Variants in VDAC1 observed in about 807,000 individuals in gnomAD.
VDAC1 encodes voltage dependent anion channel 1, also known as non-selective voltage-gated ion channel VDAC1.
Under a neutral mutation model 34.7 loss-of-function variants are expected in VDAC1, and 10 were observed. The ratio of observed to expected loss-of-function variants is 0.29; its 90% CI spans 0.18 to 0.49. The LOEUF is 0.49. Ranked by LOEUF, VDAC1 falls within the 20% of genes least tolerant of loss-of-function variation. VDAC1 has a pLI of 0.99. For synonymous variants in VDAC1, 130 were observed against 136.0 expected, an observed-to-expected ratio of 0.96 and a Z score of 0.30; for missense variants, 230 against 347.9, an observed-to-expected ratio of 0.66 and a Z score of 2.69.
the VDAC1 span, among the ~76,000 whole-genome samples, chr5:134,023,147 A>T: frequency 6.6e-6 from 1 of 152,192 alleles, no homozygotes; most frequent in Admixed American, 6.5e-5. Flanking sequence ...ATGCAGCCAT[A>T]AAAAAGAATG....
chr5:134,004,688 G>GGGCTGCGACGCGGA (rs1346861729), intron 1 of VDAC1: 1 of 151,868 alleles, frequency 6.6e-6, no homozygotes, highest in African/African-American at 2.4e-5. Context: ...GCTACGGCGG[G>GGGCTGCGACGCGGA]GGCTGCGACG....
intron 5 of VDAC1, among the ~76,000 whole-genome samples, chr5:133,983,249 TA>T (rs80036951): frequency 3.5e-3 from 457 of 132,200 alleles, no homozygotes; most frequent in Non-Finnish European, 3.3e-3. Flanking sequence ...ACTCCATCTT[TA>T]AAAAAAAAAA....
At chr5:134,108,114 G>C in the VDAC1 span, among the ~76,000 whole-genome samples, 2 of 152,226 alleles carry the variant, frequency 1.3e-5, no homozygotes, top group African/African-American at 2.4e-5. Context: ...GCAGACCTGG[G>C]GAGGCGGGGA....
At chr5:134,038,351 C>T in the VDAC1 span, among the ~76,000 whole-genome samples, 1 of 152,082 alleles carries the variant, frequency 6.6e-6, no homozygotes, top group Non-Finnish European at 1.5e-5. Context: ...GGGATGAGAA[C>T]AAGGTGGCAT....
At chr5:134,018,838 T>C in the VDAC1 span, among the ~76,000 whole-genome samples, 63 of 152,276 alleles carry the variant, frequency 4.1e-4, no homozygotes, top group African/African-American at 1.4e-3. Context: ...CCTGTGGGCA[T>C]TTGACCAGGG....
the VDAC1 span, among the ~76,000 whole-genome samples, chr5:134,104,380 G>A: frequency 2.0e-5 from 3 of 152,228 alleles, no homozygotes; most frequent in South Asian, 6.2e-4. Context: ...TGAGAATCCC[G>A]GAGGGAGGGA....
chr5:134,083,335 C>A, the VDAC1 span, among the ~76,000 whole-genome samples: 1 of 151,834 alleles, frequency 6.6e-6, no homozygotes, highest in Admixed American at 6.6e-5. Flanking sequence ...ACTACAGGCA[C>A]CTGCCACCAT....
the VDAC1 span, among the ~76,000 whole-genome samples, chr5:134,022,625 A>G: frequency 1.3e-5 from 2 of 152,218 alleles, no homozygotes; most frequent in Non-Finnish European, 2.9e-5. Context: ...ATGCTCAGTA[A>G]GTGGAACAAA....
intron 6 of VDAC1, among the ~76,000 whole-genome samples, chr5:133,978,577 A>G (rs1414270136): frequency 2.6e-5 from 4 of 152,246 alleles, no homozygotes; most frequent in Non-Finnish European, 4.4e-5. Flanking sequence ...CAGCCTGTCA[A>G]AAATAAGATT....
the VDAC1 span, among the ~76,000 whole-genome samples, chr5:134,098,345 C>T: frequency 1.4e-5 from 2 of 145,032 alleles, no homozygotes; most frequent in Non-Finnish European, 3.0e-5. Flanking sequence ...TTACAGGCAC[C>T]CACCACCATG....
the VDAC1 span, among the ~76,000 whole-genome samples, chr5:134,089,165 A>G: frequency 6.6e-6 from 1 of 152,230 alleles, no homozygotes; most frequent in Non-Finnish European, 1.5e-5. Flanking sequence ...AGGGACAGGC[A>G]AGGACAAAGA....
At chr5:134,055,637 A>G in the VDAC1 span, among the ~76,000 whole-genome samples, 1 of 103,142 alleles carries the variant, frequency 9.7e-6, no homozygotes, top group Admixed American at 1.3e-4. Context: ...ACAGGGTTTC[A>G]CCGTGGTCTT....
chr5:133,990,235 G>A (rs1753053221), intron 5 of VDAC1, among the ~76,000 whole-genome samples: 1 of 152,206 alleles, frequency 6.6e-6, no homozygotes. Context: ...GAGCCACCTT[G>A]CAGTTACACC....
the VDAC1 span, among the ~76,000 whole-genome samples, chr5:134,070,585 GTTGTCTTA>G: frequency 6.6e-6 from 1 of 152,152 alleles, no homozygotes; most frequent in Non-Finnish European, 1.5e-5. Context: ...CTAAGAATGT[GTTGTCTTA>G]TTTCCTTCCA....
At chr5:134,020,652 TTTTGTTTGTTTGTTTG>T in the VDAC1 span, among the ~76,000 whole-genome samples, 21 of 150,098 alleles carry the variant, frequency 1.4e-4, no homozygotes, top group East Asian at 5.9e-4. Context: ...CAGGCTTCTT[TTTTGTTTGTTTGTTTG>T]TTTGTTTGTT....
chr5:134,090,193 C>A, the VDAC1 span, among the ~76,000 whole-genome samples: 2 of 152,160 alleles, frequency 1.3e-5, no homozygotes, highest in Non-Finnish European at 2.9e-5. Context: ...CTCACCTACC[C>A]AAGGTTTGCC....
chr5:134,094,517 A>G, the VDAC1 span, among the ~76,000 whole-genome samples: 1 of 152,032 alleles, frequency 6.6e-6, no homozygotes, highest in African/African-American at 2.4e-5. Context: ...CTAACACGAT[A>G]AAACCCTGTC....
At chr5:133,979,979 A>G (rs1169662656) in intron 6 of VDAC1, among the ~76,000 whole-genome samples, 1 of 152,222 alleles carries the variant, frequency 6.6e-6, no homozygotes, top group Non-Finnish European at 1.5e-5. Flanking sequence ...TATTAATGGA[A>G]ATATTAGTTT....
At chr5:133,979,812 T>C (rs1405090856) in intron 6 of VDAC1, among the ~76,000 whole-genome samples, 2 of 152,184 alleles carry the variant, frequency 1.3e-5, no homozygotes, top group Non-Finnish European at 2.9e-5. Context: ...AGTCAGAATA[T>C]AGAACAGTTC....
Sources: allele counts gnomAD v4.1 joint callset (sites outside exome capture counted in the v4.1 genomes callset), GRCh38; gene constraint gnomAD v4.1.1; transcripts MANE v1.5; gene names NCBI Gene and HGNC (gene_info 2026-07-23, HGNC 2026-07-21).